SCN10A: variants seen among roughly 807,000 people sequenced by gnomAD.
SCN10A encodes the protein sodium channel protein type 10 subunit alpha.
SCN10A carries 162 observed loss-of-function variants against 170.7 expected under a neutral mutation model. That is an observed-to-expected ratio of 0.95 (90% confidence interval 0.84 to 1.08). The LOEUF is 1.08. SCN10A is among the 50% of genes least tolerant of loss of function. SCN10A has a pLI of 0.00. For synonymous variants in SCN10A, 985 were observed against 904.6 expected, an observed-to-expected ratio of 1.09 and a Z score of -1.59; for missense variants, 2,527 against 2,436.9, an observed-to-expected ratio of 1.04 and a Z score of -0.78.
Position 38,697,431 on chromosome 3 carries a change from T to A in SCN10A, c.5789A>T (p.Asp1930Val), listed in dbSNP as rs752180138. ...GCTAGATGTCCTCATGTTGACTCTA[T>A]CACTAAGGCCTCTAGTGACACTCTC... ...SYESVTRGLSDRVNMRTSSSI... is the reference protein window; with the variant it reads ...SYESVTRGLSVRVNMRTSSSI... Residue 1930 changes from aspartate to valine, a missense_variant, in exon 28 of 28, where the codon GAT (aspartate) becomes GTT (valine). By Grantham distance (152) the Asp-to-Val change is radical. Transcript: ENST00000449082. 1.1e-5 allele frequency: 18 copies of A among 1,614,192 alleles called. No individual in the cohort carries two copies. In the East Asian group the frequency reaches 4.0e-4, roughly 36 times the overall value.
At chr3:38,762,642 G>C (rs116378521) in intron 6 of SCN10A, among the ~76,000 whole-genome samples, 1 of 152,098 alleles carries the variant, frequency 6.6e-6, no homozygotes, top group Non-Finnish European at 1.5e-5. Context: ...TAAGACTCAG[G>C]GTCTTCCCAG....
At chr3:38,775,997 TTGTAGTAGAGATATTCAA>T (rs934762580) in intron 4 of SCN10A, among the ~76,000 whole-genome samples, 3 of 152,114 alleles carry the variant, frequency 2.0e-5, no homozygotes, top group African/African-American at 7.2e-5. Flanking sequence ...TATTTTGTGC[TTGTAGTAGAGATATTCAA>T]TTGGTTTAAA....
chr3:38,742,266 G>A (rs765724186), intron 14 of SCN10A, 25 bp downstream of exon 14: 2 of 1,567,108 alleles, frequency 1.3e-6, no homozygotes, highest in South Asian at 2.2e-5. Flanking sequence ...ACGCCAGTGA[G>A]GGCAGTACCA....
At chr3:38,785,731 A>C (rs929181348) in intron 4 of SCN10A, among the ~76,000 whole-genome samples, 10 of 152,210 alleles carry the variant, frequency 6.6e-5, no homozygotes, top group Non-Finnish European at 1.3e-4. Flanking sequence ...GCAATCTATC[A>C]ATCTGACAAA....
At chr3:38,799,067 C>A (rs921944687) in intron 1 of SCN10A, among the ~76,000 whole-genome samples, 2 of 152,136 alleles carry the variant, frequency 1.3e-5, no homozygotes, top group African/African-American at 4.8e-5. Flanking sequence ...CTGGCATGAG[C>A]CACTGTGCCC....
chr3:38,759,842 G>A (rs1303411769), intron 8 of SCN10A, among the ~76,000 whole-genome samples: 2 of 152,134 alleles, frequency 1.3e-5, no homozygotes, highest in Admixed American at 6.5e-5. Flanking sequence ...CAGCTCCTAG[G>A]TTCCCTCCTG....
intron 4 of SCN10A, among the ~76,000 whole-genome samples, chr3:38,788,056 C>G (rs2064229876): frequency 1.3e-5 from 2 of 151,952 alleles, no homozygotes; most frequent in South Asian, 4.2e-4. Context: ...TTATTCCCTT[C>G]TATTTCAACT....
intron 20 of SCN10A, among the ~76,000 whole-genome samples, chr3:38,720,476 C>A (rs1478529871): frequency 2.0e-5 from 3 of 151,970 alleles, no homozygotes; most frequent in Admixed American, 1.3e-4. Flanking sequence ...TTTTTCTTTA[C>A]CTTTTTCTAT....
In SCN10A at chr3:38,728,768, C is replaced by T. The variant is rs779733116; in HGVS notation, c.2414G>A (p.Gly805Asp). 6.2e-7 allele frequency: 1 copy of T among 1,614,136 alleles called. No homozygotes were observed. Among genetic ancestry groups the T allele is most frequent in the South Asian group, 1.1e-5 (1 of 91,078 alleles). ...GTAGTTTTCCCCTAGGAGCTGCTTG[C>T]CAACCAGAGCAAAGACAAAGACAAT... The part of the protein sequence containing the change: ...AIIVFVFALV[G>D]KQLLGENYRN... Residue 805 changes from glycine (G) to aspartate (D), a missense_variant, in exon 16 of 28, where the codon GGC becomes GAC. Coordinates refer to ENST00000449082, the MANE Select transcript of SCN10A (RefSeq NM_006514.4).
chr3:38,805,529 G>A (rs1462540298), intron 1 of SCN10A, among the ~76,000 whole-genome samples: 2 of 152,146 alleles, frequency 1.3e-5, no homozygotes, highest in Non-Finnish European at 2.9e-5. Flanking sequence ...CAGTGATACT[G>A]ATATGTGTCA....
chr3:38,753,477 C>G (rs558937636), intron 11 of SCN10A, among the ~76,000 whole-genome samples: 52 of 152,276 alleles, frequency 3.4e-4, no homozygotes, highest in African/African-American at 1.3e-3. Flanking sequence ...TTGGGGTTCT[C>G]CTTACTAATC....
Position 38,697,743 on chromosome 3 carries a change from T to C in SCN10A, c.5477A>G (p.Glu1826Gly). ...GELDSLKANM[E>G]EKFMATNLSK... ...AAGATTAGTTGCCATAAACTTCTCCTCCATATTTGCCTTCAGAGAATCCAA... is the reference window on the plus strand; with the variant it reads ...AAGATTAGTTGCCATAAACTTCTCCCCCATATTTGCCTTCAGAGAATCCAA... The change falls in exon 28 of 28, where the codon GAG (glutamate) becomes GGG (glycine). Residue 1826 changes from glutamate (E) to glycine (G), a missense_variant. Transcript: ENST00000449082. 1 of 1,614,152 alleles carries C rather than the reference T, an allele frequency of 6.2e-7. No homozygotes were observed. Among genetic ancestry groups the C allele is most frequent in the Non-Finnish European group, 8.5e-7 (1 of 1,180,020 alleles).
chr3:38,703,011 C>A (rs2063173059), intron 26 of SCN10A, among the ~76,000 whole-genome samples: 1 of 152,188 alleles, frequency 6.6e-6, no homozygotes. Flanking sequence ...CTGCCTTGAT[C>A]TGCACATATC....
At chr3:38,755,325 G>A (rs1015001835) in intron 11 of SCN10A, among the ~76,000 whole-genome samples, 6 of 151,866 alleles carry the variant, frequency 4.0e-5, no homozygotes, top group East Asian at 1.9e-4. Context: ...TCAGCACCAC[G>A]GACAGGGAAC....
At chr3:38,758,488 G>T (rs1444621393) in intron 8 of SCN10A, among the ~76,000 whole-genome samples, 1 of 152,168 alleles carries the variant, frequency 6.6e-6, no homozygotes, top group East Asian at 1.9e-4. Context: ...AATTCCTATT[G>T]TTTTTAACCT....
Position 38,749,240 on chromosome 3 carries a change from G to A in SCN10A, c.1867+833C>T, listed in dbSNP as rs148330433. On this transcript the variant is annotated intron_variant, in intron 13 of 27. Coordinates refer to ENST00000449082, the MANE Select transcript of SCN10A (RefSeq NM_006514.4). ...CCTAGGGCTGGGAGGAAAACACACA[G>A]GACTCCTTCTCAGGGGCACACCAGC... Among the ~76,000 whole-genome samples the A allele has an allele frequency of 4.6e-3, 704 of 152,280 alleles. 7 individuals are homozygous for A. The highest frequency in any genetic ancestry group is 0.022 in the South Asian group (105 of 4,816).
chr3:38,754,374 A>G (rs542150774), intron 11 of SCN10A, among the ~76,000 whole-genome samples: 1 of 152,366 alleles, frequency 6.6e-6, no homozygotes, highest in South Asian at 2.1e-4. Context: ...ATCCTTAGGG[A>G]AAAGAACATG....
At chr3:38,787,483 C>T (rs2064221497) in intron 4 of SCN10A, among the ~76,000 whole-genome samples, 1 of 151,556 alleles carries the variant, frequency 6.6e-6, no homozygotes, top group Non-Finnish European at 1.5e-5. Flanking sequence ...CTTTTTTCTT[C>T]TTGCACTTTT....
At chr3:38,705,044 G>A (rs1241300647) in intron 26 of SCN10A, among the ~76,000 whole-genome samples, 1 of 152,236 alleles carries the variant, frequency 6.6e-6, no homozygotes, top group Non-Finnish European at 1.5e-5. Context: ...TGTCAAAGAT[G>A]TTGCCTGCCA....
Sources: gnomAD v4.1 joint callset for allele counts (sites outside exome capture counted in the v4.1 genomes callset) on GRCh38, gnomAD v4.1.1 for gene constraint, MANE v1.5 for transcripts, NCBI Gene and HGNC (gene_info 2026-07-23, HGNC 2026-07-21) for gene names.